SLC71A2: variants seen among roughly 807,000 people sequenced by gnomAD.
SLC71A2 encodes the protein hippocampus abundant transcript-like 1.
the SLC71A2 span, among the ~76,000 whole-genome samples, chr9:94,416,741 C>T: frequency 6.6e-6 from 1 of 151,858 alleles, no homozygotes; most frequent in Non-Finnish European, 1.5e-5. Flanking sequence ...GTAATCCCAG[C>T]TACTCAGGAT....
the SLC71A2 span, among the ~76,000 whole-genome samples, chr9:94,403,892 A>G: frequency 6.6e-6 from 1 of 152,202 alleles, no homozygotes; most frequent in African/African-American, 2.4e-5. Flanking sequence ...CCCAAAATTC[A>G]TGTGTTGGGA....
chr9:94,383,575 C>G, the SLC71A2 span, among the ~76,000 whole-genome samples: 3 of 152,084 alleles, frequency 2.0e-5, no homozygotes, highest in Non-Finnish European at 2.9e-5. Context: ...GTCTTGATTA[C>G]TGGAGGTTCA....
chr9:94,421,974 C>CAT, the SLC71A2 span, among the ~76,000 whole-genome samples: 127 of 152,110 alleles, frequency 8.3e-4, 1 homozygote, highest in African/African-American at 3.0e-3. Flanking sequence ...AGTGCAGTTG[C>CAT]GCTATCTCGG....
chr9:94,379,109 G>T, the SLC71A2 span, among the ~76,000 whole-genome samples: 4 of 70,936 alleles, frequency 5.6e-5, no homozygotes, highest in East Asian at 6.1e-4. Flanking sequence ...TTTTTGAGAC[G>T]GAGTTTCACT....
chr9:94,444,333 CAGAG>C, the SLC71A2 span, among the ~76,000 whole-genome samples: 1 of 152,156 alleles, frequency 6.6e-6, no homozygotes, highest in Admixed American at 6.5e-5. Context: ...CAGGTGGTGA[CAGAG>C]AGACAGAAAT....
At chr9:94,397,467 G>C in the SLC71A2 span, among the ~76,000 whole-genome samples, 1 of 145,378 alleles carries the variant, frequency 6.9e-6, no homozygotes. Context: ...TGTAGTCCCA[G>C]CTACTTGGGA....
the SLC71A2 span, among the ~76,000 whole-genome samples, chr9:94,427,263 T>C: frequency 1.3e-5 from 2 of 152,316 alleles, no homozygotes; most frequent in African/African-American, 4.8e-5. Context: ...CTTTTTTCTT[T>C]AGTAAGATTT....
At chr9:94,460,757 T>C in the SLC71A2 span, 4 of 152,592 alleles carry the variant, frequency 2.6e-5, no homozygotes, top group African/African-American at 9.7e-5. Context: ...GAAAAAAATA[T>C]ATACAACTTT....
chr9:94,431,870 G>T, the SLC71A2 span, among the ~76,000 whole-genome samples: 5 of 152,108 alleles, frequency 3.3e-5, no homozygotes, highest in African/African-American at 1.2e-4. Flanking sequence ...TGTTTGGCCC[G>T]TGGCTCTACC....
the SLC71A2 span, among the ~76,000 whole-genome samples, chr9:94,430,193 G>A: frequency 4.8e-5 from 7 of 146,658 alleles, no homozygotes; most frequent in East Asian, 2.1e-4. Flanking sequence ...GTGAACCACC[G>A]CGCCTGACTG....
chr9:94,407,986 G>A, the SLC71A2 span, among the ~76,000 whole-genome samples: 1 of 152,132 alleles, frequency 6.6e-6, no homozygotes, highest in Non-Finnish European at 1.5e-5. Context: ...ATGGACTGCA[G>A]TATCACAGTG....
At chr9:94,435,317 C>T in the SLC71A2 span, among the ~76,000 whole-genome samples, 617 of 152,362 alleles carry the variant, frequency 4.0e-3, 5 homozygotes, top group Non-Finnish European at 7.2e-3. Context: ...TATCCACCTA[C>T]ATGCATCTGT....
At chr9:94,450,507 T>TTTTTTTTTTTTTTC in the SLC71A2 span, among the ~76,000 whole-genome samples, 5 of 137,306 alleles carry the variant, frequency 3.6e-5, no homozygotes, top group African/African-American at 8.9e-5. Context: ...TTTTTTTTTT[T>TTTTTTTTTTTTTTC]GAGATGGAGT....
the SLC71A2 span, among the ~76,000 whole-genome samples, chr9:94,455,099 G>T: frequency 6.9e-6 from 1 of 145,248 alleles, no homozygotes; most frequent in South Asian, 2.3e-4. Context: ...AGTTTGGGGA[G>T]TAAGTACATA....
the SLC71A2 span, among the ~76,000 whole-genome samples, chr9:94,405,453 C>A: frequency 3.0e-3 from 443 of 148,132 alleles, 2 homozygotes; most frequent in Non-Finnish European, 3.5e-3. Context: ...GAGCGGAAAT[C>A]GTGCCACTGC....
At chr9:94,437,522 G>A in the SLC71A2 span, among the ~76,000 whole-genome samples, 1 of 152,308 alleles carries the variant, frequency 6.6e-6, no homozygotes, top group African/African-American at 2.4e-5. Context: ...TTGTTGTTCA[G>A]GTTGGATTAT....
the SLC71A2 span, among the ~76,000 whole-genome samples, chr9:94,415,510 A>T: frequency 1.5e-4 from 23 of 152,152 alleles, no homozygotes; most frequent in Admixed American, 5.2e-4. Context: ...AACGAACTGT[A>T]TATGTTTAGG....
the SLC71A2 span, chr9:94,459,510 C>T: frequency 8.3e-6 from 11 of 1,329,442 alleles, no homozygotes; most frequent in South Asian, 2.8e-5. Context: ...GAGACGCTAG[C>T]GGCATCCTTC....
At chr9:94,440,907 C>A in the SLC71A2 span, 1 of 805,856 alleles carries the variant, frequency 1.2e-6, no homozygotes, top group Non-Finnish European at 2.1e-6. Context: ...GTAATCTTTA[C>A]ATGATGTCTT....
Sources: allele counts gnomAD v4.1 joint callset (sites outside exome capture counted in the v4.1 genomes callset), GRCh38; gene constraint gnomAD v4.1.1; transcripts MANE v1.5; gene names NCBI Gene and HGNC (gene_info 2026-07-23, HGNC 2026-07-21).